Variants in NETO1 observed in about 807,000 individuals in gnomAD.
NETO1 encodes neuropilin and tolloid-like protein 1.
Under a neutral mutation model 61.3 loss-of-function variants are expected in NETO1, and 26 were observed. The observed-to-expected ratio is 0.42, with a 90% CI of 0.31 to 0.59. The LOEUF is 0.59. Ranked by LOEUF, NETO1 falls within the 20% of genes least tolerant of loss-of-function variation. The probability of loss-of-function intolerance (pLI) is 0.12; values close to 1 mark genes in which losing one functional copy is unlikely to be tolerated. For synonymous variants in NETO1, 225 were observed against 225.8 expected (o/e 1.00, Z 0.03); for missense variants, 531 against 662.8 (o/e 0.80, Z 2.18).
chr18:72,818,850 ATATG>A lies in NETO1; in HGVS notation c.470-24450_470-24447del, dbSNP rs1599067801. Among the ~76,000 whole-genome samples, 4 of 152,332 alleles carry A rather than the reference ATATG, an allele frequency of 2.6e-5. No individual in the cohort carries two copies. In the East Asian group the frequency reaches 7.7e-4, roughly 29 times the overall value. The stretch of plus-strand genomic sequence containing the variant: ...AACTCTCACAATAGTCACTGCAATT[ATATG>A]TATAATATTCCAATTTTAACAGCAC... On this transcript the variant is annotated intron_variant, in intron 4 of 10. Transcript: ENST00000327305.
At chr18:72,815,991 T>C (rs1380513797) in intron 4 of NETO1, among the ~76,000 whole-genome samples, 2 of 152,084 alleles carry the variant, frequency 1.3e-5, no homozygotes, top group Non-Finnish European at 2.9e-5. Flanking sequence ...CAGGTACAGA[T>C]AGAGGTAAGG....
intron 4 of NETO1, among the ~76,000 whole-genome samples, chr18:72,807,104 C>T (rs186945133): frequency 2.6e-5 from 4 of 152,244 alleles, no homozygotes; most frequent in East Asian, 3.9e-4. Flanking sequence ...TGAGTTAATT[C>T]ACTCGTCTAG....
intron 7 of NETO1, among the ~76,000 whole-genome samples, chr18:72,769,185 T>C (rs1213977950): frequency 1.3e-5 from 2 of 152,166 alleles, no homozygotes; most frequent in Non-Finnish European, 2.9e-5. Flanking sequence ...TTATTATCTG[T>C]CTTTAAGTTA....
At chr18:72,814,393 T>A (rs2072963400) in intron 4 of NETO1, among the ~76,000 whole-genome samples, 2 of 151,912 alleles carry the variant, frequency 1.3e-5, no homozygotes, top group Non-Finnish European at 2.9e-5. Flanking sequence ...GAAAAAGTAA[T>A]TTAATTCCAA....
chr18:72,864,038 G>A lies in NETO1; in HGVS notation c.220+770C>T, dbSNP rs576981007. ...AGTTTGAGACCAGCTGGCCAACATC[G>A]TGAAGTGCCGTCTCTACCAAAAATA... On this transcript the variant is annotated intron_variant, in intron 3 of 10. Coordinates refer to ENST00000327305, the MANE Select transcript of NETO1 (RefSeq NM_138966.5). 6.6e-5 allele frequency among the ~76,000 whole-genome samples: 10 copies of A among 152,186 alleles called. No homozygotes were observed. In the South Asian group the frequency reaches 2.1e-3, roughly 32 times the overall value.
At chr18:72,775,674 C>T (rs1370681253) in intron 7 of NETO1, among the ~76,000 whole-genome samples, 2 of 152,278 alleles carry the variant, frequency 1.3e-5, no homozygotes, top group East Asian at 1.9e-4. Flanking sequence ...TTATCATCAT[C>T]ATCCTCTTTA....
intron 4 of NETO1, among the ~76,000 whole-genome samples, chr18:72,817,919 T>C (rs142408121): frequency 2.6e-3 from 394 of 152,346 alleles, no homozygotes; most frequent in South Asian, 0.01. Flanking sequence ...ATATTGTTTC[T>C]GACCAACGGC....
At chr18:72,839,630 C>T (rs2073858282) in intron 4 of NETO1, among the ~76,000 whole-genome samples, 1 of 148,268 alleles carries the variant, frequency 6.7e-6, no homozygotes, top group Admixed American at 6.8e-5. Context: ...ACTCATTTGC[C>T]TCTAAAATGC....
intron 4 of NETO1, among the ~76,000 whole-genome samples, chr18:72,844,315 T>A (rs2074020749): frequency 2.6e-5 from 4 of 152,246 alleles, no homozygotes; most frequent in South Asian, 4.1e-4. Context: ...TCATTTTTAA[T>A]TGTATTTTAA....
At chr18:72,754,556 A>G (rs1043456994) in intron 8 of NETO1, among the ~76,000 whole-genome samples, 1 of 152,152 alleles carries the variant, frequency 6.6e-6, no homozygotes, top group East Asian at 1.9e-4. Context: ...AATATAACTC[A>G]AGACAAAAAA....
intron 4 of NETO1, among the ~76,000 whole-genome samples, chr18:72,838,020 A>G (rs2073810010): frequency 6.6e-6 from 1 of 151,900 alleles, no homozygotes; most frequent in African/African-American, 2.4e-5. Context: ...ACCATCCCCT[A>G]TGACAGGTAT....
At chr18:72,770,606 G>T (rs993708403) in intron 7 of NETO1, among the ~76,000 whole-genome samples, 1 of 152,040 alleles carries the variant, frequency 6.6e-6, no homozygotes, top group Admixed American at 6.5e-5. Flanking sequence ...ATCCTTTTAA[G>T]ATACATCAAT....
At chr18:72,776,184 T>C (rs1331804299) in intron 7 of NETO1, among the ~76,000 whole-genome samples, 1 of 152,200 alleles carries the variant, frequency 6.6e-6, no homozygotes, top group Non-Finnish European at 1.5e-5. Context: ...GAAGTGGCTA[T>C]GTGCAAACAG....
At chr18:72,768,533 T>C (rs1279276391) in intron 7 of NETO1, among the ~76,000 whole-genome samples, 2 of 152,182 alleles carry the variant, frequency 1.3e-5, no homozygotes, top group African/African-American at 4.8e-5. Flanking sequence ...CCACATCCTG[T>C]GAATGTTACT....
chr18:72,764,101 C>T (rs1036561938), intron 7 of NETO1, among the ~76,000 whole-genome samples: 9 of 152,106 alleles, frequency 5.9e-5, no homozygotes, highest in South Asian at 2.1e-4. Context: ...GCCCTTGACA[C>T]GTGGGGATTG....
chr18:72,742,631 G>A (rs1334607432), downstream of NETO1: 1 of 152,096 alleles, frequency 6.6e-6, no homozygotes, highest in African/African-American at 2.4e-5. Flanking sequence ...GTACTATGTT[G>A]AATATTAACG....
At chr18:72,798,494 G>A (rs1302712205) in intron 4 of NETO1, among the ~76,000 whole-genome samples, 1 of 152,166 alleles carries the variant, frequency 6.6e-6, no homozygotes, top group African/African-American at 2.4e-5. Context: ...TCTGGTGACA[G>A]GCTTTGTAGT....
chr18:72,815,809 A>G (rs1028792332), intron 4 of NETO1, among the ~76,000 whole-genome samples: 1 of 152,158 alleles, frequency 6.6e-6, no homozygotes, highest in Non-Finnish European at 1.5e-5. Context: ...GGCTGGGAGA[A>G]CAGGTAAGAA....
chr18:72,758,673 T>C (rs768483000), intron 7 of NETO1, among the ~76,000 whole-genome samples: 2 of 151,812 alleles, frequency 1.3e-5, no homozygotes, highest in Non-Finnish European at 2.9e-5. Flanking sequence ...CCGTCCCTAC[T>C]AAAAATATAA....
Sources: allele counts gnomAD v4.1 joint callset (sites outside exome capture counted in the v4.1 genomes callset), GRCh38; gene constraint gnomAD v4.1.1; transcripts MANE v1.5; gene names NCBI Gene and HGNC (gene_info 2026-07-23, HGNC 2026-07-21).